Variants in NOL10 observed in about 807,000 individuals in gnomAD.
NOL10 encodes the protein H_NH0074G24.1.
Under a neutral mutation model 103.5 loss-of-function variants are expected in NOL10, and 58 were observed. The observed-to-expected ratio is 0.56, with a 90% CI of 0.45 to 0.70. The LOEUF (loss-of-function observed/expected upper bound fraction) is 0.70. Among genes scored for constraint, NOL10 ranks in the 30% least tolerant of loss-of-function variants. NOL10 has a pLI of 0.00. For missense variants in NOL10, 763 were observed against 807.3 expected (o/e 0.95, Z 0.67); for synonymous variants, 287 against 282.5 (o/e 1.02, Z -0.16).
intron 13 of NOL10, among the ~76,000 whole-genome samples, chr2:10,630,929 C>A (rs1416362060): frequency 6.6e-6 from 1 of 152,190 alleles, no homozygotes; most frequent in African/African-American, 2.4e-5. Context: ...CGTTTGTATG[C>A]TGATAAATTC....
At chr2:10,630,578 G>A (rs895853985) in intron 13 of NOL10, among the ~76,000 whole-genome samples, 2 of 152,148 alleles carry the variant, frequency 1.3e-5, no homozygotes, top group African/African-American at 2.4e-5. Flanking sequence ...CGGGCATGGT[G>A]GTGGCAGGTG....
At chr2:10,653,057 G>A (rs1395490662) in intron 12 of NOL10, among the ~76,000 whole-genome samples, 4 of 152,072 alleles carry the variant, frequency 2.6e-5, no homozygotes, top group Non-Finnish European at 2.9e-5. Context: ...TCAGCCAGGC[G>A]TGGTGGTGCG....
At chr2:10,614,123 C>T (rs980327119) in intron 13 of NOL10, among the ~76,000 whole-genome samples, 14 of 152,178 alleles carry the variant, frequency 9.2e-5, no homozygotes, top group East Asian at 1.9e-4. Context: ...CCACACCCAG[C>T]TAATTTTTGT....
intron 13 of NOL10, among the ~76,000 whole-genome samples, chr2:10,633,505 T>C (rs75295272): frequency 0.2 from 30,655 of 151,574 alleles, 4,097 homozygotes; most frequent in Non-Finnish European, 0.3. Context: ...ATGGTAACAG[T>C]GGCTGGGGAT....
chr2:10,650,630 G>GT (rs1200427815), intron 12 of NOL10, among the ~76,000 whole-genome samples: 1 of 152,004 alleles, frequency 6.6e-6, no homozygotes, highest in East Asian at 1.9e-4. Context: ...GTGATGGTGC[G>GT]TATCTGTAGC....
At chr2:10,576,913 G>GA (rs141148925) in intron 20 of NOL10, among the ~76,000 whole-genome samples, 6,042 of 150,630 alleles carry the variant, frequency 0.04, 244 homozygotes, top group African/African-American at 0.1. Flanking sequence ...ACTGCTTAAG[G>GA]AAAAAAAAAG....
At chr2:10,681,937 A>G in intron 3 of NOL10, 34 bp downstream of exon 3, 3 of 993,322 alleles carry the variant, frequency 3.0e-6, no homozygotes, top group Non-Finnish European at 4.2e-6. Flanking sequence ...CCTGGTACAA[A>G]ATGCATGAAA....
chr2:10,679,940 AT>A (rs1681613270), intron 3 of NOL10, among the ~76,000 whole-genome samples: 1 of 152,050 alleles, frequency 6.6e-6, no homozygotes, highest in Non-Finnish European at 1.5e-5. Context: ...TTTATTAAAT[AT>A]TTTTAAGATA....
intron 19 of NOL10, among the ~76,000 whole-genome samples, chr2:10,587,138 C>CACATATATAT (rs1440236965): frequency 0.16 from 2,437 of 15,516 alleles, 460 homozygotes; most frequent in Middle Eastern, 0.21. Flanking sequence ...TACATATATA[C>CACATATATAT]ACATATATAT....
intron 13 of NOL10, among the ~76,000 whole-genome samples, chr2:10,633,807 G>A (rs930067910): frequency 6.6e-6 from 1 of 150,568 alleles, no homozygotes; most frequent in African/African-American, 2.5e-5. Context: ...GTGTGTGTGT[G>A]TGTGTGTATA....
At position 10,634,653 on chromosome 2, in the gene NOL10, T is replaced by A. The variant is rs190726349; in HGVS notation, c.1026+9667A>T. On this transcript the variant is annotated intron_variant, in intron 13 of 20. Coordinates refer to ENST00000381685, the MANE Select transcript of NOL10 (RefSeq NM_024894.4). ...CATAAACAAGCTCCCTGGGAGAGAA[T>A]ATAAATAAAGAAGAGACAAGGACTA... The A allele has an allele frequency of 9.3e-4, 425 of 455,232 alleles. 1 individual carries two copies. The highest frequency in any genetic ancestry group is 7.9e-3 in the African/African-American group (393 of 50,014). The allele number at this position is 455,232 out of a possible 1,614,324, so 28.2% of individuals were successfully genotyped here.
intron 17 of NOL10, among the ~76,000 whole-genome samples, chr2:10,591,869 G>A (rs1033407412): frequency 2.0e-5 from 3 of 152,130 alleles, no homozygotes; most frequent in Non-Finnish European, 4.4e-5. Flanking sequence ...CAGGCGTGGT[G>A]GTGCATGCCT....
In NOL10 at chr2:10,663,185, G is replaced by C; in HGVS notation, c.592-141C>G. 6.7e-6 allele frequency: 4 copies of C among 597,412 alleles called. 1 individual carries two copies. The South Asian group carries it at 8.0e-5, about 12-fold the overall frequency. 37.0% of individuals were successfully genotyped at this position (597,412 alleles called of 1,614,324 possible). A position where few individuals can be genotyped will look rare whatever the true frequency, so the allele number is the denominator to read the frequency against. On this transcript the variant is annotated intron_variant, in intron 8 of 20. Coordinates refer to ENST00000381685, the MANE Select transcript of NOL10 (RefSeq NM_024894.4). ...AGTTTGAGACTAGTCTGACTAACAT[G>C]GCGAAACTCTGTTTCTACTAAAAAT...
At chr2:10,573,476 G>C (rs7607627) in intron 20 of NOL10, among the ~76,000 whole-genome samples, 37,457 of 151,728 alleles carry the variant, frequency 0.25, 6,403 homozygotes, top group African/African-American at 0.45. Flanking sequence ...ACAGGCGTGC[G>C]CCACCGTGCC....
At chr2:10,594,620 G>A (rs35587360) in intron 17 of NOL10, among the ~76,000 whole-genome samples, 10,282 of 152,238 alleles carry the variant, frequency 0.068, 725 homozygotes, top group East Asian at 0.39. Flanking sequence ...GAGCAAGAGA[G>A]ACAATTATTA....
At chr2:10,645,472 C>T (rs1315594752) in intron 12 of NOL10, among the ~76,000 whole-genome samples, 1 of 151,320 alleles carries the variant, frequency 6.6e-6, no homozygotes, top group Non-Finnish European at 1.5e-5. Flanking sequence ...GACTCTATTA[C>T]AGAAATGAGA....
At chr2:10,670,287 T>C (rs1169545853) in intron 6 of NOL10, among the ~76,000 whole-genome samples, 1 of 152,124 alleles carries the variant, frequency 6.6e-6, no homozygotes. Context: ...AAGAAATTAG[T>C]CCTTCAAATA....
At chr2:10,573,082 T>C (rs74939892) in intron 20 of NOL10, among the ~76,000 whole-genome samples, 36,977 of 151,082 alleles carry the variant, frequency 0.24, 6,318 homozygotes, top group African/African-American at 0.45. Context: ...AAAAATTTCT[T>C]AGCGGTGGAA....
intron 13 of NOL10, among the ~76,000 whole-genome samples, chr2:10,612,515 T>C (rs2148203209): frequency 6.6e-6 from 1 of 152,298 alleles, no homozygotes; most frequent in East Asian, 1.9e-4. Context: ...ATTATTTTTT[T>C]TCTTTGAGAC....
Sources: gnomAD v4.1 joint callset for allele counts (sites outside exome capture counted in the v4.1 genomes callset) on GRCh38, gnomAD v4.1.1 for gene constraint, MANE v1.5 for transcripts, NCBI Gene and HGNC (gene_info 2026-07-23, HGNC 2026-07-21) for gene names.